The following ANKRD53 variants were observed in gnomAD, a reference collection of about 807,000 sequenced individuals.
ANKRD53 encodes ankyrin repeat domain-containing protein 53.
In ANKRD53, 27 loss-of-function variants were observed where a neutral mutation model predicts 30.1. The ratio of observed to expected loss-of-function variants is 0.90; its 90% CI spans 0.66 to 1.24. ANKRD53 has a LOEUF of 1.24. Ranked by LOEUF, ANKRD53 falls within the 50% of genes most tolerant of loss-of-function variation. The pLI is 0.00. For missense variants in ANKRD53, 682 were observed against 721.0 expected (o/e 0.95, Z 0.62); for synonymous variants, 286 against 295.4 (o/e 0.97, Z 0.33).
chr2:70,984,148 CA>C (rs1352000559), intron 5 of ANKRD53: 9 of 1,613,974 alleles, frequency 5.6e-6, no homozygotes, highest in Admixed American at 1.7e-5. Flanking sequence ...GTGCACTTCC[CA>C]TTTGCCTTTT....
chr2:70,980,444 C>G (rs1277027194), intron 3 of ANKRD53, among the ~76,000 whole-genome samples: 19 of 152,044 alleles, frequency 1.2e-4, no homozygotes, highest in African/African-American at 4.6e-4. Flanking sequence ...TACTCTGGCT[C>G]CCAAACTTAG....
intron 3 of ANKRD53, among the ~76,000 whole-genome samples, chr2:70,981,331 T>C (rs1670003940): frequency 6.6e-6 from 1 of 151,386 alleles, no homozygotes; most frequent in Non-Finnish European, 1.5e-5. Flanking sequence ...TGACAGAGCA[T>C]GGGAAGTGGT....
At chr2:70,980,009 T>C in intron 3 of ANKRD53, 149 bp downstream of exon 3, 5 of 939,248 alleles carry the variant, frequency 5.3e-6, no homozygotes, top group Non-Finnish European at 8.0e-6. Context: ...GGAATCCACA[T>C]GGTGTAATAA....
At chr2:70,981,684 A>G (rs1157151942) in intron 3 of ANKRD53, among the ~76,000 whole-genome samples, 5 of 152,254 alleles carry the variant, frequency 3.3e-5, no homozygotes, top group Non-Finnish European at 7.3e-5. Context: ...CTCTGAACCA[A>G]GCCAGCTCTC....
intron 5 of ANKRD53, chr2:70,984,159 T>C (rs782760235): frequency 3.2e-5 from 52 of 1,614,108 alleles, no homozygotes; most frequent in Admixed American, 2.8e-4. Context: ...ATTTGCCTTT[T>C]CCCCCATCAC....
chr2:70,982,624 G>A lies in ANKRD53; in HGVS notation c.830G>A (p.Arg277His), dbSNP rs202171427. The change falls in exon 5 of 6, where the codon CGT (arginine) becomes CAT (histidine). Residue 277 changes from arginine to histidine, a missense_variant. Coordinates refer to ENST00000360589, the MANE Select transcript of ANKRD53 (RefSeq NM_001115116.2). This position sits in a 1 kb window ranked among gnomAD's most constrained non-coding sequence, Gnocchi z 4.2. Reference protein sequence around the residue: ...MWKKDKKDFAREMTKMKMFKS... With the variant: ...MWKKDKKDFAHEMTKMKMFKS... ...AAAAAGGACAAGAAGGACTTTGCCCGTGAGATGACGAAAATGAAGATGTTC... is the reference window on the plus strand; with the variant it reads ...AAAAAGGACAAGAAGGACTTTGCCCATGAGATGACGAAAATGAAGATGTTC... The A allele has an allele frequency of 2.0e-5, 33 of 1,614,060 alleles. No homozygotes were observed. The highest frequency in any genetic ancestry group is 1.6e-4 in the Middle Eastern group (1 of 6,084).
intron 1 of ANKRD53, 73 bp from the exon 2 acceptor site, chr2:70,979,024 G>T: frequency 2.0e-6 from 3 of 1,475,592 alleles, no homozygotes; most frequent in South Asian, 2.8e-5. Context: ...AGCCAGGCGG[G>T]GGCCAGGGAT....
Position 70,978,930 on chromosome 2 carries a change from C to T in ANKRD53, c.170+115C>T. 2 of 1,443,676 alleles carry T rather than the reference C, an allele frequency of 1.4e-6. No homozygotes were observed. The highest frequency in any genetic ancestry group is 1.8e-6 in the Non-Finnish European group (2 of 1,093,294). 89.4% of individuals were successfully genotyped at this position (1,443,676 alleles called of 1,614,324 possible). A position where few individuals can be genotyped will look rare whatever the true frequency, so the allele number is the denominator to read the frequency against. Reference sequence around the variant, plus strand: ...CGGAGGCTGCGGCCCGAGAAGCCAGCAGAGACAGGCTGGGGCCAGGGATCG... The same window carrying T: ...CGGAGGCTGCGGCCCGAGAAGCCAGTAGAGACAGGCTGGGGCCAGGGATCG... On this transcript the variant is annotated intron_variant, in intron 1 of 5. Coordinates refer to ENST00000360589, the MANE Select transcript of ANKRD53 (RefSeq NM_001115116.2). This position sits in a 1 kb window ranked among gnomAD's most constrained non-coding sequence, Gnocchi z 4.3.
rs1257856348 is a variant in ANKRD53 at position 70,979,755 on chromosome 2, C to T, written c.512C>T (p.Thr171Ile). Residue 171 changes from threonine (T) to isoleucine (I), a missense_variant, in exon 3 of 6, where the codon ACC becomes ATC. Transcript: ENST00000360589. The part of the protein sequence containing the change: ...EEYKFPVDLL[T>I]NNSQTPLHLV... ...TACAAGTTTCCCGTGGACCTGCTGACCAACAATAGCCAGACACCCCTGCAC... is the reference window on the plus strand; with the variant it reads ...TACAAGTTTCCCGTGGACCTGCTGATCAACAATAGCCAGACACCCCTGCAC... 2 of 1,614,104 alleles carry T rather than the reference C, an allele frequency of 1.2e-6. No homozygotes were observed. Among genetic ancestry groups the T allele is most frequent in the African/African-American group, 2.7e-5 (2 of 74,928 alleles).
Position 70,985,168 on chromosome 2 carries a change from C to G in ANKRD53, c.1461C>G (p.His487Gln), listed in dbSNP as rs1450516571. 1.3e-6 allele frequency: 2 copies of G among 1,551,122 alleles called. No individual in the cohort carries two copies. Among genetic ancestry groups the G allele is most frequent in the Admixed American group, 2.0e-5 (1 of 50,950 alleles). Residue 487 changes from histidine to glutamine, a missense_variant, in exon 6 of 6, where the codon CAC becomes CAG. Coordinates refer to ENST00000360589, the MANE Select transcript of ANKRD53 (RefSeq NM_001115116.2). ...ISMREVPRKRHLGDNTFWTDT... is the reference protein window; with the variant it reads ...ISMREVPRKRQLGDNTFWTDT... ...TGAGGGAAGTGCCCAGGAAGCGGCA[C>G]CTGGGTGACAACACCTTCTGGACCG...
In ANKRD53 at chr2:70,982,101, G is replaced by T. The variant is rs1553423741; in HGVS notation, c.782+1G>T. 6.3e-7 allele frequency: 1 copy of T among 1,598,516 alleles called. No individual in the cohort carries two copies. Among genetic ancestry groups the T allele is most frequent in the Non-Finnish European group, 8.5e-7 (1 of 1,171,192 alleles). ...TATGGAACCACCGTGCCTGTGCCCGGTGAGAGTGTGAGAACCACCTGGAGC... is the reference window on the plus strand; with the variant it reads ...TATGGAACCACCGTGCCTGTGCCCGTTGAGAGTGTGAGAACCACCTGGAGC... On this transcript the variant is annotated splice_donor_variant, in intron 4 of 5. Coordinates refer to ENST00000360589, the MANE Select transcript of ANKRD53 (RefSeq NM_001115116.2). LOFTEE classifies it high-confidence loss of function. This position sits in a 1 kb window ranked among gnomAD's most constrained non-coding sequence, Gnocchi z 4.2.
chr2:70,978,915 G>A lies in ANKRD53; in HGVS notation c.170+100G>A. On this transcript the variant is annotated intron_variant, in intron 1 of 5. Transcript: ENST00000360589. The surrounding 1 kb of genome is among the most constrained non-coding windows in gnomAD (Gnocchi z 4.3). ...TGGAGCGGGCGGGGGCGGAGGCTGCGGCCCGAGAAGCCAGCAGAGACAGGC... is the reference window on the plus strand; with the variant it reads ...TGGAGCGGGCGGGGGCGGAGGCTGCAGCCCGAGAAGCCAGCAGAGACAGGC... 6.9e-7 allele frequency: 1 copy of A among 1,454,122 alleles called. No individual in the cohort carries two copies. Among genetic ancestry groups the A allele is most frequent in the Non-Finnish European group, 9.1e-7 (1 of 1,100,152 alleles). 90.1% of individuals were successfully genotyped at this position (1,454,122 alleles called of 1,614,324 possible).
rs1670135236 is a variant in ANKRD53 at position 70,984,977 on chromosome 2, C to G, written c.1270C>G (p.Leu424Val). ...TCCGGAGCACGACTTCAGCAGCTTC[C>G]TGGAGGTGAGGCCTGATGGGCACGG... ...PTPEHDFSSF[L>V]EVRPDGHGGA... is the part of the protein sequence containing the mutation. The change falls in exon 6 of 6, where the codon CTG (leucine) becomes GTG (valine). Residue 424 changes from leucine to valine, a missense_variant. By Grantham distance (32) the Leu-to-Val change is conservative (BLOSUM62 1). Transcript: ENST00000360589. 1.9e-6 allele frequency: 3 copies of G among 1,550,030 alleles called. No homozygotes were observed. The East Asian group carries it at 7.3e-5, about 38-fold the overall frequency.
In ANKRD53 at chr2:70,985,496, C is replaced by CT. The variant is rs1553424785; in HGVS notation, c.*196_*197insT. ...CTGCAAATAAATCTCTTGGCACCCC[C>CT]CCACCGCCGCCAGGAAATCCAAGTT... On this transcript the variant is annotated 3_prime_UTR_variant, in exon 6 of 6. Transcript: ENST00000360589. 12 of 583,306 alleles carry CT rather than the reference C, an allele frequency of 2.1e-5. No homozygotes were observed. Among genetic ancestry groups the CT allele is most frequent in the South Asian group, 1.3e-4 (6 of 46,986 alleles). The allele number at this position is 583,306 out of a possible 1,614,324, so 36.1% of individuals were successfully genotyped here.
chr2:70,984,215 T>C, intron 5 of ANKRD53: 1 of 1,614,216 alleles, frequency 6.2e-7, no homozygotes, highest in South Asian at 1.1e-5. Flanking sequence ...TATCAGACTG[T>C]GGATTCCTTT....
chr2:70,984,275 C>A (rs782634965), intron 5 of ANKRD53: 60 of 1,613,994 alleles, frequency 3.7e-5, no homozygotes, highest in Non-Finnish European at 2.5e-5. Flanking sequence ...TTCCCTAGGG[C>A]AGGGACTGTG....
chr2:70,980,151 A>G (rs1350749438), intron 3 of ANKRD53, among the ~76,000 whole-genome samples: 1 of 152,170 alleles, frequency 6.6e-6, no homozygotes, highest in East Asian at 1.9e-4. Context: ...CCCCATCTCT[A>G]CTAAAAATAC....
Position 70,985,219 on chromosome 2 carries a change from C to G in ANKRD53, c.1512C>G (p.Asp504Glu). 2 of 1,551,528 alleles carry G rather than the reference C, an allele frequency of 1.3e-6. No individual in the cohort carries two copies. Among genetic ancestry groups the G allele is most frequent in the Non-Finnish European group, 1.7e-6 (2 of 1,147,028 alleles). ...ACACTCTGGCCATGAACCTGCGTGA[C>G]ACATTCGATGAAGCCTTCCTGGCAG... ...WTDTLAMNLRDTFDEAFLAAV... is the reference protein window; with the variant it reads ...WTDTLAMNLRETFDEAFLAAV... Residue 504 changes from aspartate (D) to glutamate (E), a missense_variant, in exon 6 of 6, where the codon GAC becomes GAG. Coordinates refer to ENST00000360589, the MANE Select transcript of ANKRD53 (RefSeq NM_001115116.2).
chr2:70,980,510 C>CATGGTGGCATAGTCCCAGCT (rs2104852899), intron 3 of ANKRD53, among the ~76,000 whole-genome samples: 1 of 151,992 alleles, frequency 6.6e-6, no homozygotes, highest in East Asian at 1.9e-4. Flanking sequence ...GGCCGGGTGG[C>CATGGTGGCATAGTCCCAGCT]ATGGTGGCAT....
Sources: allele counts gnomAD v4.1 joint callset (sites outside exome capture counted in the v4.1 genomes callset), GRCh38; gene constraint gnomAD v4.1.1; non-coding constraint Gnocchi (gnomAD v3.1); transcripts MANE v1.5; gene names NCBI Gene and HGNC (gene_info 2026-07-23, HGNC 2026-07-21).